The following VWC2 variants were observed in gnomAD, a reference collection of about 807,000 sequenced individuals.
The protein encoded by VWC2 is von Willebrand factor C domain containing 2.
In VWC2, 14 loss-of-function variants were observed where a neutral mutation model predicts 29.8. The ratio of observed to expected loss-of-function variants is 0.47; its 90% confidence interval spans 0.31 to 0.74. The LOEUF is 0.74. VWC2 is among the 30% of genes least tolerant of loss of function. The pLI is 0.05. For missense variants in VWC2, 457 were observed against 459.8 expected (o/e 0.99, Z 0.05); for synonymous variants, 213 against 199.0 (o/e 1.07, Z -0.59).
intron 3 of VWC2, among the ~76,000 whole-genome samples, chr7:49,893,140 T>G (rs1171855218): frequency 6.6e-6 from 1 of 152,362 alleles, no homozygotes; most frequent in East Asian, 1.9e-4. Context: ...CTTTAGCCTT[T>G]AAAAATGGAG....
At chr7:49,861,259 T>A (rs566626123) in intron 3 of VWC2, among the ~76,000 whole-genome samples, 1 of 152,366 alleles carries the variant, frequency 6.6e-6, no homozygotes, top group East Asian at 1.9e-4. Flanking sequence ...TCCTAATGAT[T>A]AATGACATTG....
rs919566530 is a variant in VWC2, at chr7:49,915,837, C to A, written c.*3652C>A. ...GTTATTATGAAGAGTATCAGATGTACAAATAAGCATCATTGGTAAAAACAT... is the reference window on the plus strand; with the variant it reads ...GTTATTATGAAGAGTATCAGATGTAAAAATAAGCATCATTGGTAAAAACAT... On this transcript the variant is annotated 3_prime_UTR_variant, in exon 4 of 4. Transcript: ENST00000340652. 1.6e-4 allele frequency: 25 copies of A among 152,212 alleles called. No homozygotes were observed. Among genetic ancestry groups the A allele is most frequent in the African/African-American group, 5.5e-4 (23 of 41,542 alleles). 9.4% of individuals were successfully genotyped at this position (152,212 alleles called of 1,614,324 possible). A position where few individuals can be genotyped will look rare whatever the true frequency, so the allele number is the denominator to read the frequency against.
intron 2 of VWC2, among the ~76,000 whole-genome samples, chr7:49,781,870 G>A (rs1472177424): frequency 6.6e-6 from 1 of 152,122 alleles, no homozygotes; most frequent in East Asian, 1.9e-4. Context: ...GAGTCGTAAT[G>A]GGACTAAAAG....
At chr7:49,815,368 G>C (rs1789112420) in intron 3 of VWC2, among the ~76,000 whole-genome samples, 1 of 152,136 alleles carries the variant, frequency 6.6e-6, no homozygotes, top group South Asian at 2.1e-4. Flanking sequence ...AAACTCTCAG[G>C]AGTGAGATTA....
chr7:49,821,990 A>G (rs1234541713), intron 3 of VWC2, among the ~76,000 whole-genome samples: 1 of 152,202 alleles, frequency 6.6e-6, no homozygotes, highest in Non-Finnish European at 1.5e-5. Flanking sequence ...CTTTTTATGA[A>G]TATAAAAAAA....
intron 3 of VWC2, among the ~76,000 whole-genome samples, chr7:49,865,949 G>A (rs1013948481): frequency 2.6e-5 from 4 of 152,128 alleles, no homozygotes; most frequent in South Asian, 2.1e-4. Flanking sequence ...AAGTCTACTC[G>A]GCACCATCTT....
At chr7:49,837,527 G>T (rs1182367277) in intron 3 of VWC2, among the ~76,000 whole-genome samples, 1 of 152,192 alleles carries the variant, frequency 6.6e-6, no homozygotes, top group Non-Finnish European at 1.5e-5. Context: ...AAGGCCGGGG[G>T]AGGTCATGGG....
intron 3 of VWC2, among the ~76,000 whole-genome samples, chr7:49,852,099 G>A (rs1380123202): frequency 6.6e-6 from 1 of 152,216 alleles, no homozygotes; most frequent in African/African-American, 2.4e-5. Context: ...AGGCCAGCAG[G>A]CACCAGTACC....
Position 49,920,883 on chromosome 7 carries a change from A to AAT in VWC2, c.*8700_*8701dup, listed in dbSNP as rs2128747022. 1 of 152,318 alleles carries AAT rather than the reference A, an allele frequency of 6.6e-6. No individual in the cohort carries two copies. The highest frequency in any genetic ancestry group is 2.4e-5 in the African/African-American group (1 of 41,574). The allele number at this position is 152,318 out of a possible 1,614,324, so 9.4% of individuals were successfully genotyped here. ...ATTATAGCTTTTTGTCTTCATTTCT[A>AAT]ATAGACTGTTATAGGGGAAATGTAC... On this transcript the variant is annotated 3_prime_UTR_variant, in exon 4 of 4. Coordinates refer to ENST00000340652, the MANE Select transcript of VWC2 (RefSeq NM_198570.5).
chr7:49,820,434 A>G (rs940700653), intron 3 of VWC2, among the ~76,000 whole-genome samples: 2 of 152,232 alleles, frequency 1.3e-5, no homozygotes, highest in African/African-American at 2.4e-5. Flanking sequence ...AGCAGAGGAG[A>G]ATAAATGGAT....
At position 49,775,435 on chromosome 7, in the gene VWC2, G is replaced by A; in HGVS notation, c.-1G>A. On this transcript the variant is annotated 5_prime_UTR_variant, in exon 2 of 4. Coordinates refer to ENST00000340652, the MANE Select transcript of VWC2 (RefSeq NM_198570.5). ...GCCCGCCCGCCGGGACGTGGTAGGG[G>A]ATGCCCAGCTCCACTGCGATGGCAG... 2.1e-6 allele frequency: 3 copies of A among 1,410,322 alleles called. No individual in the cohort carries two copies. Among genetic ancestry groups the A allele is most frequent in the Non-Finnish European group, 2.8e-6 (3 of 1,084,050 alleles). 87.4% of individuals were successfully genotyped at this position (1,410,322 alleles called of 1,614,324 possible).
chr7:49,788,988 TGA>T (rs199762237), intron 2 of VWC2, among the ~76,000 whole-genome samples: 2,041 of 145,766 alleles, frequency 0.014, 40 homozygotes, highest in African/African-American at 0.049. Flanking sequence ...CATGTGTGTG[TGA>T]GGTGTGGGTG....
intron 3 of VWC2, among the ~76,000 whole-genome samples, chr7:49,842,219 T>C (rs1473473017): frequency 6.6e-6 from 1 of 152,160 alleles, no homozygotes; most frequent in African/African-American, 2.4e-5. Context: ...ACTTGATAAA[T>C]ACATGTTAAA....
intron 2 of VWC2, among the ~76,000 whole-genome samples, chr7:49,796,673 A>G (rs954468730): frequency 6.6e-6 from 1 of 152,210 alleles, no homozygotes; most frequent in Admixed American, 6.5e-5. Flanking sequence ...GACATTCAAG[A>G]CATTAAAATC....
intron 3 of VWC2, among the ~76,000 whole-genome samples, chr7:49,902,554 CAAAA>C (rs34786165): frequency 1.9e-5 from 2 of 106,668 alleles, no homozygotes. Context: ...TATCCGTAGC[CAAAA>C]AAAAAAAAAA....
intron 3 of VWC2, among the ~76,000 whole-genome samples, chr7:49,888,696 C>T (rs1583760151): frequency 6.6e-6 from 1 of 152,004 alleles, no homozygotes; most frequent in African/African-American, 2.4e-5. Context: ...GGATCACCTG[C>T]GGTCAGGAGT....
chr7:49,858,302 AC>A (rs1427942230), intron 3 of VWC2, among the ~76,000 whole-genome samples: 1 of 152,088 alleles, frequency 6.6e-6, no homozygotes, highest in Non-Finnish European at 1.5e-5. Flanking sequence ...CTTGGAACCA[AC>A]CCAAATGTCC....
chr7:49,882,724 C>A (rs1791722657), intron 3 of VWC2, among the ~76,000 whole-genome samples: 3 of 152,242 alleles, frequency 2.0e-5, no homozygotes, highest in African/African-American at 4.8e-5. Flanking sequence ...GTGTAACCTT[C>A]CTAAGGCCAC....
intron 2 of VWC2, among the ~76,000 whole-genome samples, chr7:49,796,242 G>T (rs1788587513): frequency 6.6e-6 from 1 of 152,188 alleles, no homozygotes; most frequent in Admixed American, 6.5e-5. Flanking sequence ...TCTTCTCTAT[G>T]TTTAAATTAA....
Sources: gnomAD v4.1 joint callset for allele counts (sites outside exome capture counted in the v4.1 genomes callset) on GRCh38, gnomAD v4.1.1 for gene constraint, MANE v1.5 for transcripts, NCBI Gene and HGNC (gene_info 2026-07-23, HGNC 2026-07-21) for gene names.